The following HTR1F variants were observed in gnomAD, a reference collection of about 807,000 sequenced individuals.
HTR1F encodes 5-hydroxytryptamine receptor 1F.
Under a neutral mutation model 24.0 loss-of-function variants are expected in HTR1F, and 17 were observed. That is an observed-to-expected ratio of 0.71 (90% CI 0.48 to 1.06). HTR1F has a LOEUF of 1.06. HTR1F is among the 50% of genes least tolerant of loss of function. The pLI, the probability that HTR1F is intolerant of heterozygous loss-of-function variation, is 0.00. For missense variants in HTR1F, 391 were observed against 427.8 expected (o/e 0.91, Z 0.76); for synonymous variants, 186 against 156.8 (o/e 1.19, Z -1.39).
At chr3:87,951,752 G>T (rs1704838720) in intron 2 of HTR1F, among the ~76,000 whole-genome samples, 1 of 151,912 alleles carries the variant, frequency 6.6e-6, no homozygotes, top group Non-Finnish European at 1.5e-5. Flanking sequence ...ATATATATAT[G>T]ATGGACATAT....
At chr3:87,802,430 A>C (rs1408132724) in intron 1 of HTR1F, among the ~76,000 whole-genome samples, 1 of 151,258 alleles carries the variant, frequency 6.6e-6, no homozygotes, top group Non-Finnish European at 1.5e-5. Context: ...AGCAGCCTTG[A>C]AATTTGGGGG....
chr3:87,900,847 A>T (rs1248769208), intron 2 of HTR1F, among the ~76,000 whole-genome samples: 1 of 152,196 alleles, frequency 6.6e-6, no homozygotes, highest in Non-Finnish European at 1.5e-5. Flanking sequence ...GTTTTTGGAC[A>T]TGTTACATTT....
chr3:87,852,413 T>C (rs906404473), intron 2 of HTR1F, among the ~76,000 whole-genome samples: 9 of 151,780 alleles, frequency 5.9e-5, no homozygotes, highest in African/African-American at 2.2e-4. Context: ...ATTTCTTAAT[T>C]CATTTGGAAT....
At chr3:87,880,641 T>C (rs540497180) in intron 2 of HTR1F, among the ~76,000 whole-genome samples, 5 of 136,858 alleles carry the variant, frequency 3.7e-5, no homozygotes, top group African/African-American at 1.5e-4. Flanking sequence ...TGTGTGTGTG[T>C]TTGTTTGTGT....
chr3:87,916,309 G>GAAAAAAAAAAAAAAAA (rs34801984), intron 2 of HTR1F, among the ~76,000 whole-genome samples: 7 of 111,052 alleles, frequency 6.3e-5, no homozygotes, highest in South Asian at 3.4e-4. Flanking sequence ...AAGCAAAAAA[G>GAAAAAAAAAAAAAAAA]AAAAAAAAAA....
chr3:87,897,678 C>T (rs753046132), intron 2 of HTR1F, among the ~76,000 whole-genome samples: 57 of 152,104 alleles, frequency 3.7e-4, no homozygotes, highest in Middle Eastern at 3.2e-3. Context: ...TGACCTCCCT[C>T]TTTCCTGCCT....
intron 2 of HTR1F, among the ~76,000 whole-genome samples, chr3:87,980,978 G>A (rs1301148820): frequency 6.6e-6 from 1 of 152,080 alleles, no homozygotes; most frequent in Non-Finnish European, 1.5e-5. Context: ...GCTGTAGCTG[G>A]GGGGCTGCTG....
At chr3:87,891,155 T>C (rs1252830069) in intron 2 of HTR1F, among the ~76,000 whole-genome samples, 5 of 152,198 alleles carry the variant, frequency 3.3e-5, no homozygotes, top group Non-Finnish European at 7.3e-5. Context: ...TATTTCTTAA[T>C]GTCCAAGAAC....
chr3:87,938,677 A>G (rs1704487726), intron 2 of HTR1F, among the ~76,000 whole-genome samples: 1 of 152,192 alleles, frequency 6.6e-6, no homozygotes, highest in African/African-American at 2.4e-5. Context: ...TGACAAAAAC[A>G]AGAAATGGGG....
At chr3:87,920,962 C>T (rs1318458811) in intron 2 of HTR1F, among the ~76,000 whole-genome samples, 1 of 151,930 alleles carries the variant, frequency 6.6e-6, no homozygotes, top group East Asian at 1.9e-4. Flanking sequence ...CTATCCTTTC[C>T]TTAGGTTTTA....
chr3:87,880,992 G>T (rs948636544), intron 2 of HTR1F, among the ~76,000 whole-genome samples: 2 of 152,194 alleles, frequency 1.3e-5, no homozygotes, highest in Non-Finnish European at 1.5e-5. Context: ...GCTCCAGTCT[G>T]CAGTTCCCAG....
intron 1 of HTR1F, among the ~76,000 whole-genome samples, chr3:87,816,488 T>C: frequency 6.6e-6 from 1 of 152,052 alleles, no homozygotes; most frequent in Admixed American, 6.6e-5. Context: ...TCTAGCCCCA[T>C]GTGCTTTTCC....
At chr3:87,985,101 C>T (rs550830922) in intron 2 of HTR1F, among the ~76,000 whole-genome samples, 18 of 152,164 alleles carry the variant, frequency 1.2e-4, no homozygotes, top group African/African-American at 3.9e-4. Flanking sequence ...TTTGGGAGGC[C>T]GAGGCAGGCA....
intron 2 of HTR1F, among the ~76,000 whole-genome samples, chr3:87,894,382 G>A (rs1413745772): frequency 2.6e-5 from 4 of 151,472 alleles, no homozygotes; most frequent in Non-Finnish European, 4.4e-5. Flanking sequence ...TCAGCCTCCC[G>A]AGTAGCTGGG....
At chr3:87,986,146 C>G (rs1705657375) in intron 2 of HTR1F, among the ~76,000 whole-genome samples, 1 of 152,140 alleles carries the variant, frequency 6.6e-6, no homozygotes, top group Admixed American at 6.5e-5. Flanking sequence ...CAGAGATGGT[C>G]CCTAGCACCA....
intron 2 of HTR1F, among the ~76,000 whole-genome samples, chr3:87,934,624 C>T (rs1704367160): frequency 6.6e-6 from 1 of 152,180 alleles, no homozygotes; most frequent in Admixed American, 6.5e-5. Flanking sequence ...TTGACTTCAT[C>T]TCTGACTCCT....
At chr3:87,825,694 C>T (rs977761342) in intron 2 of HTR1F, among the ~76,000 whole-genome samples, 9 of 152,186 alleles carry the variant, frequency 5.9e-5, no homozygotes, top group African/African-American at 2.2e-4. Context: ...TGTCTTCTAA[C>T]GCTACCATCA....
At chr3:87,811,262 G>C (rs1273341528) in intron 1 of HTR1F, among the ~76,000 whole-genome samples, 2 of 145,388 alleles carry the variant, frequency 1.4e-5, no homozygotes, top group African/African-American at 5.3e-5. Flanking sequence ...AGGTCATTCA[G>C]TGGAATTCTA....
intron 2 of HTR1F, among the ~76,000 whole-genome samples, chr3:87,878,055 A>G (rs999022283): frequency 6.6e-6 from 1 of 152,172 alleles, no homozygotes; most frequent in Non-Finnish European, 1.5e-5. Flanking sequence ...TGAAAAAGGG[A>G]GAATGGACGG....
Sources: allele counts gnomAD v4.1 joint callset (sites outside exome capture counted in the v4.1 genomes callset), GRCh38; gene constraint gnomAD v4.1.1; transcripts MANE v1.5; gene names NCBI Gene and HGNC (gene_info 2026-07-23, HGNC 2026-07-21).